Variants in CDKN2B-AS1 observed in about 807,000 individuals in gnomAD.
CDKN2B-AS1 encodes CDKN2B and CDKN2A antisense cis and trans regulatory RNA 1, also known as CDKN2B antisense RNA 1 (non-protein coding).
At chr9:22,056,789 G>T (rs979469622) in intron 4 of CDKN2B-AS1, among the ~76,000 whole-genome samples, 5 of 152,184 alleles carry the variant, frequency 3.3e-5, no homozygotes, top group African/African-American at 9.6e-5. Context: ...TTTTACCCAT[G>T]ACCCATCTCC....
At chr9:22,053,811 GTCC>G (rs1440241630) in intron 3 of CDKN2B-AS1, among the ~76,000 whole-genome samples, 1 of 152,072 alleles carries the variant, frequency 6.6e-6, no homozygotes, top group Non-Finnish European at 1.5e-5. Flanking sequence ...TATTCCTTAG[GTCC>G]TCCTTGATGT....
intron 1 of CDKN2B-AS1, among the ~76,000 whole-genome samples, chr9:22,002,417 A>G (rs1820959680): frequency 6.6e-6 from 1 of 152,038 alleles, no homozygotes; most frequent in Non-Finnish European, 1.5e-5. Context: ...GGTAAAGCAT[A>G]AAATGAGTAT....
chr9:22,091,700 T>C (rs1825092909), intron 4 of CDKN2B-AS1, among the ~76,000 whole-genome samples: 1 of 152,218 alleles, frequency 6.6e-6, no homozygotes, highest in African/African-American at 2.4e-5. Flanking sequence ...CTGAAGTTGC[T>C]TATCAGCTTG....
At chr9:22,052,629 C>G (rs2131284123) in intron 3 of CDKN2B-AS1, among the ~76,000 whole-genome samples, 1 of 152,300 alleles carries the variant, frequency 6.6e-6, no homozygotes, top group African/African-American at 2.4e-5. Flanking sequence ...GTCTTTTCAT[C>G]AAAACTCGTA....
At chr9:22,116,065 G>A (rs1016249255) in intron 4 of CDKN2B-AS1, among the ~76,000 whole-genome samples, 2 of 152,128 alleles carry the variant, frequency 1.3e-5, no homozygotes, top group South Asian at 2.1e-4. Context: ...CATTCTCTTA[G>A]CTTCTTTATC....
chr9:22,031,216 A>T lies in CDKN2B-AS1; in HGVS notation n.30-15535A>T, dbSNP rs143535832. Among the ~76,000 whole-genome samples, 3 of 152,298 alleles carry T rather than the reference A, an allele frequency of 2.0e-5. No homozygotes were observed. In the East Asian group the frequency reaches 5.8e-4, roughly 29 times the overall value. ...ACTTAAGCACATAATTTGTAAAATCATGGGTTTGTTGTGCAAGTTTTGTTT... is the reference window on the plus strand; with the variant it reads ...ACTTAAGCACATAATTTGTAAAATCTTGGGTTTGTTGTGCAAGTTTTGTTT... On this transcript the variant is annotated intron_variant and non_coding_transcript_variant, in intron 1 of 4. Coordinates refer to ENST00000650946, the Ensembl canonical transcript of CDKN2B-AS1.
chr9:22,079,271 G>A (rs1587502733), intron 4 of CDKN2B-AS1, among the ~76,000 whole-genome samples: 3 of 152,312 alleles, frequency 2.0e-5, no homozygotes, highest in Admixed American at 2.0e-4. Flanking sequence ...ATCACCTGAG[G>A]TCAGGAGTTC....
intron 1 of CDKN2B-AS1, among the ~76,000 whole-genome samples, chr9:22,018,380 G>A (rs762437586): frequency 2.7e-4 from 39 of 144,178 alleles, no homozygotes; most frequent in Non-Finnish European, 4.4e-4. Context: ...GCCATGGGCC[G>A]CGCATGGTGG....
At chr9:22,102,496 T>G (rs968254913) in intron 4 of CDKN2B-AS1, among the ~76,000 whole-genome samples, 3 of 152,190 alleles carry the variant, frequency 2.0e-5, no homozygotes, top group Non-Finnish European at 4.4e-5. Flanking sequence ...GGTAGGGCCA[T>G]GCTCTCGGCA....
intron 4 of CDKN2B-AS1, among the ~76,000 whole-genome samples, chr9:22,098,218 G>A (rs893985037): frequency 2.6e-5 from 4 of 151,076 alleles, no homozygotes; most frequent in African/African-American, 9.7e-5. Context: ...TATTATATAT[G>A]TGTATATTTA....
At chr9:22,083,183 C>G (rs1344637857) in intron 4 of CDKN2B-AS1, among the ~76,000 whole-genome samples, 1 of 152,158 alleles carries the variant, frequency 6.6e-6, no homozygotes, top group Non-Finnish European at 1.5e-5. Flanking sequence ...GAGAAAATTG[C>G]ATCATACAGA....
In CDKN2B-AS1 at chr9:22,013,080, A is replaced by G. The variant is rs140838312; in HGVS notation, n.29+17919A>G. On this transcript the variant is annotated intron_variant and non_coding_transcript_variant, in intron 1 of 4. Coordinates refer to ENST00000650946, the Ensembl canonical transcript of CDKN2B-AS1. ...GGCCATCCTACTGCTGCCTCTTCAC[A>G]TAGTCATCCCTCTGTGCACACGTGC... is the stretch of plus-strand genomic sequence containing the variant. Among the ~76,000 whole-genome samples the G allele has an allele frequency of 2.5e-3, 375 of 152,254 alleles. 3 individuals carry two copies. The Middle Eastern group carries it at 0.041, about 17-fold the overall frequency.
intron 4 of CDKN2B-AS1, among the ~76,000 whole-genome samples, chr9:22,096,077 G>A (rs1825265647): frequency 6.6e-6 from 1 of 152,146 alleles, no homozygotes; most frequent in African/African-American, 2.4e-5. Flanking sequence ...AAATTCACTA[G>A]ATAGATAGGA....
intron 4 of CDKN2B-AS1, among the ~76,000 whole-genome samples, chr9:22,121,274 G>A (rs994152111): frequency 1.3e-5 from 2 of 151,980 alleles, no homozygotes; most frequent in Admixed American, 1.3e-4. Context: ...AGGGTGATGG[G>A]TAGATGGGTA....
At chr9:22,053,367 G>T (rs1254755978) in intron 3 of CDKN2B-AS1, among the ~76,000 whole-genome samples, 2 of 152,152 alleles carry the variant, frequency 1.3e-5, no homozygotes, top group Non-Finnish European at 2.9e-5. Context: ...GACAGTTGGG[G>T]GCAACATTGT....
intron 4 of CDKN2B-AS1, among the ~76,000 whole-genome samples, chr9:22,122,903 T>A (rs1826130287): frequency 6.6e-6 from 1 of 152,152 alleles, no homozygotes. Context: ...CCATATAAAT[T>A]TTAGAATTTT....
chr9:22,027,461 C>G (rs937345020), intron 1 of CDKN2B-AS1, among the ~76,000 whole-genome samples: 1 of 152,160 alleles, frequency 6.6e-6, no homozygotes, highest in Non-Finnish European at 1.5e-5. Flanking sequence ...CATAATATCG[C>G]TGATAAGAGT....
At chr9:22,024,586 C>T (rs1316788445) in intron 1 of CDKN2B-AS1, among the ~76,000 whole-genome samples, 1 of 152,164 alleles carries the variant, frequency 6.6e-6, no homozygotes, top group East Asian at 1.9e-4. Flanking sequence ...GCAGCATTAC[C>T]ACAAGAGTGA....
At chr9:22,043,722 T>C (rs796260664) in intron 1 of CDKN2B-AS1, among the ~76,000 whole-genome samples, 28 of 152,170 alleles carry the variant, frequency 1.8e-4, no homozygotes, top group African/African-American at 6.7e-4. Flanking sequence ...ACTATGATTT[T>C]CAACTTAATT....
Sources: gnomAD v4.1 joint callset for allele counts (sites outside exome capture counted in the v4.1 genomes callset) on GRCh38, gnomAD v4.1.1 for gene constraint, MANE v1.5 for transcripts, NCBI Gene and HGNC (gene_info 2026-07-23, HGNC 2026-07-21) for gene names.